The following JMJD1C variants were observed in gnomAD, a reference collection of about 807,000 sequenced individuals.
The protein encoded by JMJD1C is jumonji domain containing 1C, also known as jumonji domain-containing protein 1C.
JMJD1C carries 31 observed loss-of-function variants against 245.3 expected under a neutral mutation model. That is an observed-to-expected ratio of 0.13 (90% CI 0.09 to 0.17). The LOEUF is 0.17. Ranked by LOEUF, JMJD1C falls within the 10% of genes least tolerant of loss-of-function variation. The probability of loss-of-function intolerance (pLI) is 1.00; values close to 1 mark genes in which losing one functional copy is unlikely to be tolerated. For missense variants in JMJD1C, 2,691 were observed against 3,000.2 expected, an observed-to-expected ratio of 0.90 and a Z score of 2.41; for synonymous variants, 1,057 against 1,017.4, an observed-to-expected ratio of 1.04 and a Z score of -0.74.
intron 1 of JMJD1C, among the ~76,000 whole-genome samples, chr10:63,510,580 T>C (rs1363367935): frequency 6.6e-6 from 1 of 152,232 alleles, no homozygotes; most frequent in African/African-American, 2.4e-5. Flanking sequence ...GCATGATCTC[T>C]AGTTTGTTAA....
chr10:63,492,999 T>C (rs1254711821), intron 1 of JMJD1C, among the ~76,000 whole-genome samples: 3 of 152,164 alleles, frequency 2.0e-5, no homozygotes, highest in East Asian at 3.9e-4. Flanking sequence ...GTGAAAGTGT[T>C]AGCTTAAGGG....
At chr10:63,482,450 A>G (rs753184028) in intron 1 of JMJD1C, among the ~76,000 whole-genome samples, 16 of 152,134 alleles carry the variant, frequency 1.1e-4, no homozygotes, top group Non-Finnish European at 2.1e-4. Context: ...AGCCTGGACA[A>G]CATGGCGAAA....
chr10:63,248,085 G>C (rs1423088558), intron 3 of JMJD1C, among the ~76,000 whole-genome samples: 1 of 151,944 alleles, frequency 6.6e-6, no homozygotes, highest in Non-Finnish European at 1.5e-5. Flanking sequence ...GAAATTAGCT[G>C]GGTGTGGTGG....
chr10:63,251,263 T>C (rs1384025780), intron 3 of JMJD1C, among the ~76,000 whole-genome samples: 1 of 152,196 alleles, frequency 6.6e-6, no homozygotes, highest in Non-Finnish European at 1.5e-5. Flanking sequence ...GTTCCATATA[T>C]TGTACTGGAC....
intron 2 of JMJD1C, among the ~76,000 whole-genome samples, chr10:63,293,058 C>T (rs906308720): frequency 2.0e-5 from 3 of 152,102 alleles, no homozygotes; most frequent in African/African-American, 7.2e-5. Context: ...AACAAACAAA[C>T]AAAACAAACA....
intron 2 of JMJD1C, among the ~76,000 whole-genome samples, chr10:63,275,320 A>G (rs1343486345): frequency 1.3e-5 from 2 of 152,330 alleles, no homozygotes; most frequent in African/African-American, 4.8e-5. Flanking sequence ...TAAACTTTAA[A>G]CTTTGAACGC....
At chr10:63,272,028 A>G (rs1424099036) in intron 2 of JMJD1C, among the ~76,000 whole-genome samples, 1 of 150,778 alleles carries the variant, frequency 6.6e-6, no homozygotes, top group Non-Finnish European at 1.5e-5. Flanking sequence ...AGCCGAGATC[A>G]TACCACTGCA....
chr10:63,381,058 T>C (rs1947176638), intron 1 of JMJD1C, among the ~76,000 whole-genome samples: 1 of 152,238 alleles, frequency 6.6e-6, no homozygotes, highest in Non-Finnish European at 1.5e-5. Context: ...AAATGTGGTA[T>C]ATATACACAA....
intron 1 of JMJD1C, among the ~76,000 whole-genome samples, chr10:63,391,338 G>A (rs866126716): frequency 9.9e-5 from 15 of 152,066 alleles, no homozygotes; most frequent in Middle Eastern, 6.8e-3. Context: ...GTGAAACCCC[G>A]TCTCTACTAA....
At chr10:63,502,573 G>A (rs1384807886) in intron 1 of JMJD1C, among the ~76,000 whole-genome samples, 1 of 147,196 alleles carries the variant, frequency 6.8e-6, no homozygotes, top group Non-Finnish European at 1.5e-5. Context: ...GCGAGGCGGA[G>A]CTTGCAGTGA....
intron 1 of JMJD1C, among the ~76,000 whole-genome samples, chr10:63,483,795 T>C (rs1347166000): frequency 1.3e-5 from 2 of 152,240 alleles, no homozygotes; most frequent in East Asian, 3.8e-4. Flanking sequence ...AATGTATGTA[T>C]ACATTTTAAC....
chr10:63,327,666 G>GA (rs11286723), intron 2 of JMJD1C, among the ~76,000 whole-genome samples: 6 of 149,460 alleles, frequency 4.0e-5, no homozygotes, highest in African/African-American at 1.5e-4. Flanking sequence ...AGGGTACACA[G>GA]AAAAAATTTT....
At chr10:63,188,565 C>T (rs1461530762) in intron 18 of JMJD1C, among the ~76,000 whole-genome samples, 4 of 152,170 alleles carry the variant, frequency 2.6e-5, no homozygotes, top group Admixed American at 2.6e-4. Context: ...ATAAATTTAA[C>T]AGAATACTGT....
chr10:63,316,557 C>T (rs1564776994), intron 2 of JMJD1C, among the ~76,000 whole-genome samples: 1 of 152,174 alleles, frequency 6.6e-6, no homozygotes, highest in African/African-American at 2.4e-5. Flanking sequence ...AAGCGATTCT[C>T]CTGCCTCAGC....
At chr10:63,403,522 T>C (rs1221946710) in intron 1 of JMJD1C, among the ~76,000 whole-genome samples, 2 of 152,208 alleles carry the variant, frequency 1.3e-5, no homozygotes, top group Non-Finnish European at 2.9e-5. Context: ...AAATTAATAG[T>C]ATTTCAGAGG....
At chr10:63,345,156 C>CTGTGGTA (rs1206743604) in intron 2 of JMJD1C, among the ~76,000 whole-genome samples, 5 of 152,182 alleles carry the variant, frequency 3.3e-5, no homozygotes, top group African/African-American at 1.2e-4. Context: ...GATAATCTAA[C>CTGTGGTA]TGTGGTATAT....
chr10:63,431,564 G>C (rs1303146050), intron 1 of JMJD1C, among the ~76,000 whole-genome samples: 1 of 152,166 alleles, frequency 6.6e-6, no homozygotes, highest in Non-Finnish European at 1.5e-5. Context: ...TTAAGGTTCT[G>C]GAAGACAGAG....
chr10:63,391,955 T>C (rs1589654149), intron 1 of JMJD1C, among the ~76,000 whole-genome samples: 1 of 152,308 alleles, frequency 6.6e-6, no homozygotes, highest in East Asian at 1.9e-4. Flanking sequence ...TAAAATCATG[T>C]ACTAACCAGG....
Position 63,304,487 on chromosome 10 carries a change from A to C in JMJD1C, c.334-39723T>G, listed in dbSNP as rs117861311. Reference sequence around the variant, plus strand: ...AAATTCAAAATGGAAAAGGACTTAAAAAGAAATAAAAGACGTGGGATTTAA... The same window carrying C: ...AAATTCAAAATGGAAAAGGACTTAACAAGAAATAAAAGACGTGGGATTTAA... On this transcript the variant is annotated intron_variant, in intron 2 of 25. Transcript: ENST00000399262. Among the ~76,000 whole-genome samples the C allele has an allele frequency of 8.5e-3, 1,295 of 152,352 alleles. 11 individuals carry two copies. Among genetic ancestry groups the C allele is most frequent in the Non-Finnish European group, 0.013 (883 of 68,028 alleles).
Sources: gnomAD v4.1 joint callset for allele counts (sites outside exome capture counted in the v4.1 genomes callset) on GRCh38, gnomAD v4.1.1 for gene constraint, MANE v1.5 for transcripts, NCBI Gene and HGNC (gene_info 2026-07-23, HGNC 2026-07-21) for gene names.